Variants in PRH1 observed in about 807,000 individuals in gnomAD.
PRH1 encodes proline rich protein HaeIII subfamily 1.
In PRH1, 7 loss-of-function variants were observed where a neutral mutation model predicts 7.9. That is an observed-to-expected ratio of 0.89 (90% CI 0.50 to 1.67). PRH1 has a LOEUF of 1.67. PRH1 is among the 40% of genes most tolerant of loss of function. The pLI, the probability that PRH1 is intolerant of heterozygous loss-of-function variation, is 0.00. For synonymous variants in PRH1, 45 were observed against 80.8 expected (o/e 0.56, Z 2.38); for missense variants, 109 against 223.6 (o/e 0.49, Z 3.27).
At chr12:10,970,284 A>G (rs1938744764) in intron 2 of PRH1, among the ~76,000 whole-genome samples, 1 of 152,196 alleles carries the variant, frequency 6.6e-6, no homozygotes, top group African/African-American at 2.4e-5. Context: ...ACATACTATG[A>G]TTTTTGAATG....
Position 10,884,255 on chromosome 12 carries a change from T to C in PRH1, c.-38A>G. 1.9e-6 allele frequency: 3 copies of C among 1,614,036 alleles called. No individual in the cohort carries two copies. The highest frequency in any genetic ancestry group is 2.5e-6 in the Non-Finnish European group (3 of 1,179,878). ...TCTGGTGTCACTCCCAACTTTGTGC[T>C]GGGAGAAACGTGTCAGCTCCCTTTA... On this transcript the variant is annotated 5_prime_UTR_variant, in exon 1 of 4. Transcript: ENST00000543626.
chr12:11,065,169 T>C (rs1455146082), intron 1 of PRH1, among the ~76,000 whole-genome samples: 2 of 152,168 alleles, frequency 1.3e-5, no homozygotes, highest in Admixed American at 6.5e-5. Flanking sequence ...AATTCTAGCT[T>C]CATTTTTGTC....
intron 2 of PRH1, among the ~76,000 whole-genome samples, chr12:10,906,435 T>A (rs866690916): frequency 2.6e-5 from 4 of 152,240 alleles, no homozygotes; most frequent in Admixed American, 6.5e-5. Flanking sequence ...ATGACAAGCC[T>A]CTGGCTGGCA....
intron 1 of PRH1, among the ~76,000 whole-genome samples, chr12:11,099,225 A>G (rs1464680663): frequency 3.3e-5 from 5 of 152,136 alleles, no homozygotes; most frequent in Non-Finnish European, 7.3e-5. Flanking sequence ...GAGATTTGAG[A>G]TGGCTTCCAT....
intron 2 of PRH1, chr12:10,930,577 C>A: frequency 6.3e-7 from 1 of 1,574,988 alleles, no homozygotes; most frequent in South Asian, 1.2e-5. Flanking sequence ...GAGAGAGGGG[C>A]CGGCCGTGTG....
chr12:11,131,391 C>T (rs1018970678), intron 1 of PRH1, among the ~76,000 whole-genome samples: 31 of 152,204 alleles, frequency 2.0e-4, no homozygotes, highest in African/African-American at 7.5e-4. Context: ...CCACATGTCC[C>T]TGCCATTTTT....
intron 2 of PRH1, among the ~76,000 whole-genome samples, chr12:10,926,876 G>A (rs1266232135): frequency 1.3e-5 from 2 of 152,132 alleles, no homozygotes; most frequent in Admixed American, 6.6e-5. Context: ...GATGCTTCAG[G>A]ACCTCAGAAT....
intron 2 of PRH1, among the ~76,000 whole-genome samples, chr12:10,972,072 T>TG (rs1194125515): frequency 6.6e-6 from 1 of 152,184 alleles, no homozygotes; most frequent in African/African-American, 2.4e-5. Flanking sequence ...ATTGGCATGT[T>TG]GCAAGGGAAA....
At chr12:10,924,962 T>A (rs773480651) in intron 2 of PRH1, among the ~76,000 whole-genome samples, 1 of 152,194 alleles carries the variant, frequency 6.6e-6, no homozygotes, top group Non-Finnish European at 1.5e-5. Flanking sequence ...AACTCCTGGA[T>A]TCATGGATTT....
At chr12:11,044,841 T>C (rs1013189455) in intron 1 of PRH1, among the ~76,000 whole-genome samples, 4 of 152,258 alleles carry the variant, frequency 2.6e-5, no homozygotes. Flanking sequence ...ACGGGAACCA[T>C]TCTACACCTC....
intron 2 of PRH1, among the ~76,000 whole-genome samples, chr12:10,965,817 G>C (rs770595060): frequency 1.3e-5 from 2 of 152,198 alleles, no homozygotes; most frequent in Non-Finnish European, 2.9e-5. Context: ...AGGGAGATTA[G>C]TTATAACTAG....
intron 1 of PRH1, among the ~76,000 whole-genome samples, chr12:11,160,042 G>A (rs1424839623): frequency 6.6e-6 from 1 of 152,078 alleles, no homozygotes; most frequent in African/African-American, 2.4e-5. Flanking sequence ...CTAAAGAAGC[G>A]AAGTCGAGTA....
chr12:11,085,400 C>A (rs796753134), intron 1 of PRH1, among the ~76,000 whole-genome samples: 47,559 of 106,258 alleles, frequency 0.45, 7,237 homozygotes, highest in Non-Finnish European at 0.54. Flanking sequence ...TCTACCATTA[C>A]TGTTATGGAA....
At chr12:10,934,214 C>T (rs16925810) in intron 2 of PRH1, among the ~76,000 whole-genome samples, 2,288 of 152,184 alleles carry the variant, frequency 0.015, 20 homozygotes, top group South Asian at 0.031. Context: ...GCTTCTTTCC[C>T]AGGGATGGGT....
intron 2 of PRH1, among the ~76,000 whole-genome samples, chr12:10,953,358 A>G (rs1937783320): frequency 6.6e-6 from 1 of 152,218 alleles, no homozygotes; most frequent in Non-Finnish European, 1.5e-5. Flanking sequence ...AAAGATTCTG[A>G]GGAACGCCAT....
At chr12:10,942,859 C>T (rs74062409) in intron 2 of PRH1, among the ~76,000 whole-genome samples, 5,512 of 152,238 alleles carry the variant, frequency 0.036, 328 homozygotes, top group African/African-American at 0.12. Flanking sequence ...GAGGACCCAG[C>T]GAGCTCACAG....
In PRH1 at chr12:10,908,593, A is replaced by G. The variant is rs1591667393; in HGVS notation, c.-58-24318T>C. On this transcript the variant is annotated intron_variant, in intron 2 of 3. Transcript: ENST00000539853. ...AAACTAGCATAGAATAAAAGGAATG[A>G]GATCACAATTTTCAAGGCATTTGTA... The G allele has an allele frequency of 3.1e-6, 5 of 1,614,014 alleles. No individual in the cohort carries two copies. The East Asian group carries it at 8.9e-5, about 29-fold the overall frequency.
rs369469586 is a variant in PRH1 at position 11,031,002 on chromosome 12, T to A, written c.-126+16018A>T. The A allele has an allele frequency of 4.1e-5, 66 of 1,614,178 alleles. No individual in the cohort carries two copies. The highest frequency in any genetic ancestry group is 5.9e-6 in the Non-Finnish European group (7 of 1,180,064). ...TGAAGAAAAATAAGGTTGGAGAAATTGGCAATCTTGAGCAAATAAAATATG... is the reference window on the plus strand; with the variant it reads ...TGAAGAAAAATAAGGTTGGAGAAATAGGCAATCTTGAGCAAATAAAATATG... On this transcript the variant is annotated intron_variant, in intron 1 of 3. Coordinates refer to the PRH1 transcript ENST00000539853.
intron 1 of PRH1, among the ~76,000 whole-genome samples, chr12:11,080,092 C>T (rs527576312): frequency 1.7e-5 from 2 of 120,624 alleles, no homozygotes; most frequent in African/African-American, 5.7e-5. Context: ...CTATACCTTT[C>T]TTCATATCTC....
Sources: gnomAD v4.1 joint callset for allele counts (sites outside exome capture counted in the v4.1 genomes callset) on GRCh38, gnomAD v4.1.1 for gene constraint, MANE v1.5 for transcripts, NCBI Gene and HGNC (gene_info 2026-07-23, HGNC 2026-07-21) for gene names.